Variants in TRIM16 observed in about 807,000 individuals in gnomAD.
The protein encoded by TRIM16 is tripartite motif-containing protein 16.
In TRIM16, 33 loss-of-function variants were observed where a neutral mutation model predicts 50.4. The observed-to-expected ratio is 0.65, with a 90% CI of 0.50 to 0.88. The LOEUF (loss-of-function observed/expected upper bound fraction) is 0.88. Among genes scored for constraint, TRIM16 ranks in the 40% least tolerant of loss-of-function variants. TRIM16 has a pLI of 0.00. For missense variants in TRIM16, 581 were observed against 686.8 expected (o/e 0.85, Z 1.72); for synonymous variants, 229 against 270.7 (o/e 0.85, Z 1.51).
At chr17:15,633,336 C>A (rs1425340788) in intron 9 of TRIM16, among the ~76,000 whole-genome samples, 3 of 150,430 alleles carry the variant, frequency 2.0e-5, no homozygotes, top group Admixed American at 6.6e-5. Context: ...TTAGATAGAG[C>A]CATGGAAATC....
At chr17:15,662,806 T>A (rs1988300449) in intron 6 of TRIM16, among the ~76,000 whole-genome samples, 1 of 152,180 alleles carries the variant, frequency 6.6e-6, no homozygotes, top group African/African-American at 2.4e-5. Context: ...AACCCATACA[T>A]CTGATATATA....
chr17:15,658,324 C>A (rs1483895727), intron 6 of TRIM16, among the ~76,000 whole-genome samples: 1 of 152,218 alleles, frequency 6.6e-6, no homozygotes, highest in Non-Finnish European at 1.5e-5. Context: ...CTCTCTCTAG[C>A]AGTTTCTGGC....
chr17:15,639,802 C>T (rs1386227589), intron 8 of TRIM16, among the ~76,000 whole-genome samples: 1 of 148,992 alleles, frequency 6.7e-6, no homozygotes, highest in Non-Finnish European at 1.5e-5. Flanking sequence ...TGGGCCCCAC[C>T]CAGGCCCCCC....
chr17:15,681,375 G>C (rs1210502061), intron 3 of TRIM16, among the ~76,000 whole-genome samples: 2 of 152,212 alleles, frequency 1.3e-5, no homozygotes, highest in African/African-American at 4.8e-5. Context: ...GCCCACCCCA[G>C]CAGTCATGGT....
At chr17:15,683,212 T>C (rs1989253147) in intron 1 of TRIM16, 55 bp from the exon 2 acceptor site, 3 of 1,345,940 alleles carry the variant, frequency 2.2e-6, no homozygotes, top group Middle Eastern at 1.8e-4. Flanking sequence ...TATTTCTTTT[T>C]TCATTCTCTG....
chr17:15,660,948 G>GT (rs1301211135), intron 6 of TRIM16, among the ~76,000 whole-genome samples: 2 of 150,078 alleles, frequency 1.3e-5, no homozygotes, highest in Non-Finnish European at 3.0e-5. Flanking sequence ...TATTGCCTCC[G>GT]TGAGAGCAAA....
At chr17:15,659,157 C>T (rs1039012482) in intron 6 of TRIM16, among the ~76,000 whole-genome samples, 1 of 152,244 alleles carries the variant, frequency 6.6e-6, no homozygotes, top group Non-Finnish European at 1.5e-5. Flanking sequence ...GACCCCACTA[C>T]TGGATGAAGA....
In TRIM16 at chr17:15,683,329, G is replaced by A. The variant is rs137973655; in HGVS notation, c.-898-172C>T. 1.0e-3 allele frequency: 568 copies of A among 551,348 alleles called. 4 individuals carry two copies. The highest frequency in any genetic ancestry group is 8.5e-3 in the African/African-American group (449 of 52,862). 34.2% of individuals were successfully genotyped at this position (551,348 alleles called of 1,614,324 possible). On this transcript the variant is annotated intron_variant, in intron 1 of 11. Coordinates refer to ENST00000649191, the MANE Select transcript of TRIM16 (RefSeq NM_001348119.1). ...TTCAGGAAGCCCTGAACACAGGCAA[G>A]TCTCAGTACCTTTATACCACTAGGG...
intron 7 of TRIM16, among the ~76,000 whole-genome samples, chr17:15,646,015 T>C (rs1361658018): frequency 1.3e-5 from 2 of 152,146 alleles, no homozygotes; most frequent in African/African-American, 4.8e-5. Flanking sequence ...GAACACACCC[T>C]AGCAACAGGC....
intron 6 of TRIM16, 101 bp downstream of exon 6, chr17:15,677,073 ATG>A (rs1988982040): frequency 1.7e-6 from 1 of 593,132 alleles, no homozygotes; most frequent in Admixed American, 6.3e-5. Flanking sequence ...TCAAGTGAAG[ATG>A]AGACTGCAGG....
chr17:15,651,064 A>G, intron 7 of TRIM16, 27 bp downstream of exon 7: 11 of 1,581,572 alleles, frequency 7.0e-6, no homozygotes, highest in Non-Finnish European at 8.6e-6. Context: ...CCTCTCCCAA[A>G]TGGATGAATG....
intron 3 of TRIM16, 130 bp downstream of exon 3, chr17:15,682,724 A>AT: frequency 2.3e-6 from 2 of 880,824 alleles, no homozygotes; most frequent in South Asian, 4.5e-5. Flanking sequence ...AGTCCGACTT[A>AT]TCCCCCCTTA....
intron 6 of TRIM16, among the ~76,000 whole-genome samples, chr17:15,670,046 A>G (rs1213194278): frequency 1.3e-5 from 2 of 152,242 alleles, no homozygotes; most frequent in Admixed American, 6.5e-5. Flanking sequence ...GTGTTCACTC[A>G]TTCACTCATA....
intron 6 of TRIM16, among the ~76,000 whole-genome samples, chr17:15,653,283 T>C (rs1987815832): frequency 6.6e-6 from 1 of 152,214 alleles, no homozygotes; most frequent in South Asian, 2.1e-4. Context: ...GCCAGCACCA[T>C]GCTTCTTGTA....
rs1986248256 is a variant in TRIM16, at chr17:15,628,921, G to T, written c.1389C>A (p.Asn463Lys). 8.1e-6 allele frequency: 13 copies of T among 1,614,214 alleles called. No homozygotes were observed. The highest frequency in any genetic ancestry group is 1.1e-5 in the Non-Finnish European group (13 of 1,180,058). Residue 463 changes from asparagine (N) to lysine (K), a missense_variant, in exon 12 of 12, where the codon AAC becomes AAA. Physicochemically the swap from Asn to Lys is moderately conservative, Grantham distance 94 (BLOSUM62 0). Around this residue, in one of 3 missense-constraint regions of TRIM16, gnomAD observed 115 missense variants for 106.7 expected, o/e 1.08. Coordinates refer to ENST00000649191, the MANE Select transcript of TRIM16 (RefSeq NM_001348119.1). ...GEERNSCISGNNFSWSLQWNG... is the reference protein window; with the variant it reads ...GEERNSCISGKNFSWSLQWNG... ...TCCATTGGAGGCTCCAGGAGAAGTT[G>T]TTTCCGGAAATGCAACTGTTGCGCT...
Position 15,678,374 on chromosome 17 carries a change from C to T in TRIM16, c.-589-653G>A, listed in dbSNP as rs114401867. Among the ~76,000 whole-genome samples the T allele has an allele frequency of 3.9e-3, 597 of 152,170 alleles. 3 individuals are homozygous for T. The highest frequency in any genetic ancestry group is 0.013 in the African/African-American group (528 of 41,502). On this transcript the variant is annotated intron_variant, in intron 4 of 11. Coordinates refer to ENST00000649191, the MANE Select transcript of TRIM16 (RefSeq NM_001348119.1). ...GCTGCTAACTGTCCATGAAAATATG[C>T]CTCCTCCTCTCCTTTCTAGGTATAC...
Position 15,651,547 on chromosome 17 carries a change from G to C in TRIM16, c.63C>G (p.Ala21=), listed in dbSNP as rs767846364. 1.2e-6 allele frequency: 2 copies of C among 1,614,092 alleles called. No homozygotes were observed. Among genetic ancestry groups the C allele is most frequent in the East Asian group, 2.2e-5 (1 of 44,886 alleles). Reference sequence around the variant, plus strand: ...GTGACCCAGAGTCTGGGCTGAGAGGGGCTGGGGGCTGAGCAGTGGCCCTGG... The same window carrying C: ...GTGACCCAGAGTCTGGGCTGAGAGGCGCTGGGGGCTGAGCAGTGGCCCTGG... ...PLPRATAQPP[A]PLSPDSGSPS... The change falls in exon 7 of 12, where the codon GCC becomes GCG. Residue 21 remains alanine (A), a synonymous_variant. Coordinates refer to ENST00000649191, the MANE Select transcript of TRIM16 (RefSeq NM_001348119.1).
intron 9 of TRIM16, among the ~76,000 whole-genome samples, chr17:15,635,367 C>G (rs1567670554): frequency 2.0e-5 from 3 of 148,958 alleles, no homozygotes; most frequent in African/African-American, 5.0e-5. Flanking sequence ...CTTTAGATCT[C>G]GTTCCAATGG....
chr17:15,672,955 T>C (rs532717029), intron 6 of TRIM16, among the ~76,000 whole-genome samples: 3 of 152,360 alleles, frequency 2.0e-5, no homozygotes, highest in Non-Finnish European at 2.9e-5. Context: ...AAGAGAATTA[T>C]ACCAATTCAC....
Sources: gnomAD v4.1 joint callset for allele counts (sites outside exome capture counted in the v4.1 genomes callset) on GRCh38, gnomAD v4.1.1 for gene constraint, gnomAD v4.1.1 regional missense constraint, MANE v1.5 for transcripts, NCBI Gene and HGNC (gene_info 2026-07-23, HGNC 2026-07-21) for gene names.